DGKB: variants seen among roughly 807,000 people sequenced by gnomAD.
DGKB encodes 90 kDa diacylglycerol kinase.
DGKB carries 67 observed loss-of-function variants against 114.3 expected under a neutral mutation model. The ratio of observed to expected loss-of-function variants is 0.59; its 90% CI spans 0.48 to 0.72. The LOEUF (loss-of-function observed/expected upper bound fraction) is 0.72, where lower values mean the gene tolerates loss of function less well. Among genes scored for constraint, DGKB ranks in the 30% least tolerant of loss-of-function variants. The pLI is 0.00. For missense variants in DGKB, 907 were observed against 975.2 expected (o/e 0.93, Z 0.93); for synonymous variants, 398 against 323.1 (o/e 1.23, Z -2.49).
At chr7:14,603,366 T>A (rs1292109738) in intron 17 of DGKB, among the ~76,000 whole-genome samples, 1 of 152,274 alleles carries the variant, frequency 6.6e-6, no homozygotes, top group East Asian at 1.9e-4. Context: ...TAAATTTTGA[T>A]GAACATTTCC....
intron 8 of DGKB, among the ~76,000 whole-genome samples, chr7:14,696,631 G>A (rs1823984317): frequency 1.3e-5 from 2 of 151,834 alleles, no homozygotes; most frequent in South Asian, 2.1e-4. Context: ...AGAAAGGTGA[G>A]TAGGAGAGGA....
At chr7:14,512,376 A>G (rs74921113) in intron 20 of DGKB, among the ~76,000 whole-genome samples, 3 of 152,206 alleles carry the variant, frequency 2.0e-5, no homozygotes, top group Middle Eastern at 3.4e-3. Context: ...ATAATCAATG[A>G]CTATCCAAAG....
chr7:14,236,901 G>A (rs1453576892), intron 23 of DGKB, among the ~76,000 whole-genome samples: 2 of 151,396 alleles, frequency 1.3e-5, no homozygotes, highest in Non-Finnish European at 2.9e-5. Flanking sequence ...TTCTCGTGGT[G>A]ACTTTTCTTT....
chr7:14,236,987 C>G (rs545178014), intron 23 of DGKB, among the ~76,000 whole-genome samples: 51 of 151,740 alleles, frequency 3.4e-4, no homozygotes, highest in Non-Finnish European at 5.3e-4. Context: ...ATCAATAAAT[C>G]AATCTGGCAT....
At chr7:14,934,403 A>C (rs1785176276) in intron 1 of DGKB, among the ~76,000 whole-genome samples, 1 of 152,168 alleles carries the variant, frequency 6.6e-6, no homozygotes, top group African/African-American at 2.4e-5. Flanking sequence ...ATTATGTGAA[A>C]ATATGCTAGA....
intron 23 of DGKB, among the ~76,000 whole-genome samples, chr7:14,266,582 T>C (rs943183597): frequency 6.6e-6 from 1 of 152,226 alleles, no homozygotes; most frequent in Non-Finnish European, 1.5e-5. Flanking sequence ...GAGGCATCTG[T>C]GTTTTTGACC....
At chr7:14,782,616 G>A (rs1397410717) in intron 2 of DGKB, among the ~76,000 whole-genome samples, 1 of 152,048 alleles carries the variant, frequency 6.6e-6, no homozygotes, top group Admixed American at 6.6e-5. Context: ...CACCAATAAT[G>A]ATAAAATTGT....
intron 2 of DGKB, among the ~76,000 whole-genome samples, chr7:14,811,694 C>G (rs1843453449): frequency 6.6e-6 from 1 of 151,924 alleles, no homozygotes; most frequent in Non-Finnish European, 1.5e-5. Flanking sequence ...TCAGAATTCC[C>G]TGAGCTGATC....
chr7:14,518,305 T>C (rs1789179037), intron 20 of DGKB, among the ~76,000 whole-genome samples: 3 of 152,044 alleles, frequency 2.0e-5, no homozygotes, highest in African/African-American at 7.2e-5. Flanking sequence ...CACTGGGAAC[T>C]CTTTGAGGGT....
intron 23 of DGKB, among the ~76,000 whole-genome samples, chr7:14,206,608 G>C (rs926236000): frequency 6.6e-6 from 1 of 151,974 alleles, no homozygotes; most frequent in African/African-American, 2.4e-5. Flanking sequence ...TCCCCACTGA[G>C]ATATTTTTTA....
At chr7:14,168,078 A>C (rs1466244393) in intron 25 of DGKB, among the ~76,000 whole-genome samples, 1 of 152,192 alleles carries the variant, frequency 6.6e-6, no homozygotes. Context: ...CTTGAAATGA[A>C]ATGAAAGACA....
chr7:14,921,712 T>A (rs946191967), intron 1 of DGKB, among the ~76,000 whole-genome samples: 1 of 152,172 alleles, frequency 6.6e-6, no homozygotes, highest in African/African-American at 2.4e-5. Context: ...TTGAGAAAAC[T>A]TGGGCTAATG....
intron 2 of DGKB, among the ~76,000 whole-genome samples, chr7:14,781,894 C>G (rs1393901218): frequency 6.6e-6 from 1 of 152,152 alleles, no homozygotes; most frequent in African/African-American, 2.4e-5. Flanking sequence ...TTTCTTTCCT[C>G]TCTCCATCCT....
chr7:14,424,427 A>G (rs1827193128), intron 21 of DGKB, among the ~76,000 whole-genome samples: 2 of 151,866 alleles, frequency 1.3e-5, no homozygotes, highest in Non-Finnish European at 2.9e-5. Flanking sequence ...TCTGTGCTCA[A>G]ATACCATTTA....
chr7:14,844,625 C>T (rs1360871664), intron 1 of DGKB, among the ~76,000 whole-genome samples: 1 of 152,172 alleles, frequency 6.6e-6, no homozygotes, highest in Non-Finnish European at 1.5e-5. Context: ...TTAACTCGCT[C>T]CCTGAGCTCT....
chr7:14,362,329 G>C (rs189784009), intron 21 of DGKB, among the ~76,000 whole-genome samples: 214 of 152,032 alleles, frequency 1.4e-3, no homozygotes, highest in African/African-American at 5.0e-3. Context: ...TAAAAATTTG[G>C]AATTTAATCA....
chr7:14,721,746 A>C (rs564124516), intron 5 of DGKB, among the ~76,000 whole-genome samples: 1 of 152,298 alleles, frequency 6.6e-6, no homozygotes, highest in Non-Finnish European at 1.5e-5. Context: ...GGTAAAATAT[A>C]TATTTTTGGA....
At chr7:14,761,158 G>A (rs1416623924) in intron 2 of DGKB, among the ~76,000 whole-genome samples, 1 of 152,094 alleles carries the variant, frequency 6.6e-6, no homozygotes, top group African/African-American at 2.4e-5. Flanking sequence ...TTTGGAAACT[G>A]GAGCATTATC....
At chr7:14,695,324 AT>A (rs1416802568) in intron 8 of DGKB, among the ~76,000 whole-genome samples, 1 of 152,000 alleles carries the variant, frequency 6.6e-6, no homozygotes, top group Non-Finnish European at 1.5e-5. Context: ...AATAAATCTC[AT>A]GTTAAAGCCA....
Sources: gnomAD v4.1 joint callset for allele counts (sites outside exome capture counted in the v4.1 genomes callset) on GRCh38, gnomAD v4.1.1 for gene constraint, MANE v1.5 for transcripts, NCBI Gene and HGNC (gene_info 2026-07-23, HGNC 2026-07-21) for gene names.